Variants in GALNT18 observed in about 807,000 individuals in gnomAD.
GALNT18 encodes the protein GalNAc-transferase 18.
A neutral mutation model predicts 69.5 loss-of-function variants in GALNT18; 44 were observed. The ratio of observed to expected loss-of-function variants is 0.63; its 90% CI spans 0.50 to 0.81. The LOEUF (loss-of-function observed/expected upper bound fraction) is 0.81, where lower values mean the gene tolerates loss of function less well. Ranked by LOEUF, GALNT18 falls within the 40% of genes least tolerant of loss-of-function variation. GALNT18 has a pLI of 0.00. For missense variants in GALNT18, 715 were observed against 810.0 expected (o/e 0.88, Z 1.42); for synonymous variants, 364 against 318.2 (o/e 1.14, Z -1.53).
chr11:11,577,636 C>CCAATT (rs1420123952), intron 1 of GALNT18, among the ~76,000 whole-genome samples: 1 of 152,212 alleles, frequency 6.6e-6, no homozygotes, highest in Non-Finnish European at 1.5e-5. Context: ...AGCACAGAAT[C>CCAATT]CTAGGCTCAA....
In GALNT18 at chr11:11,603,908, T is replaced by G. The variant is rs1274691682; in HGVS notation, c.235+17451A>C. Among the ~76,000 whole-genome samples, 1 of 152,222 alleles carries G rather than the reference T, an allele frequency of 6.6e-6. No individual in the cohort carries two copies. The highest frequency in any genetic ancestry group is 1.5e-5 in the Non-Finnish European group (1 of 68,042). ...TCCCCAAATCCATATGTTGAAATCC[T>G]AACCCCTAAGTTGATGGAATTAGGA... On this transcript the variant is annotated intron_variant, in intron 1 of 10. Coordinates refer to ENST00000227756, the MANE Select transcript of GALNT18 (RefSeq NM_198516.3). This position sits in a 1 kb window ranked among gnomAD's most constrained non-coding sequence, Gnocchi z 4.5.
At chr11:11,566,465 T>G (rs1018423600) in intron 1 of GALNT18, among the ~76,000 whole-genome samples, 2 of 152,216 alleles carry the variant, frequency 1.3e-5, no homozygotes, top group Non-Finnish European at 2.9e-5. Context: ...TTAATTCCCC[T>G]GAGTGTGATA....
intron 6 of GALNT18, among the ~76,000 whole-genome samples, chr11:11,368,439 C>A (rs1342083643): frequency 6.6e-6 from 1 of 152,134 alleles, no homozygotes; most frequent in African/African-American, 2.4e-5. Context: ...AAATAGAAAT[C>A]CTCTCTGGAG....
intron 4 of GALNT18, among the ~76,000 whole-genome samples, chr11:11,378,268 C>G (rs60228798): frequency 0.035 from 5,381 of 152,288 alleles, 103 homozygotes; most frequent in East Asian, 0.059. Flanking sequence ...CCCGGGGGCA[C>G]AGGTTGGCAC....
intron 3 of GALNT18, among the ~76,000 whole-genome samples, chr11:11,416,185 CTA>C (rs1854852682): frequency 6.6e-6 from 1 of 152,214 alleles, no homozygotes; most frequent in African/African-American, 2.4e-5. Context: ...TCTTCAATGT[CTA>C]AGCTCCTTAG....
intron 3 of GALNT18, among the ~76,000 whole-genome samples, chr11:11,380,295 T>C (rs1277793728): frequency 6.6e-6 from 1 of 152,228 alleles, no homozygotes; most frequent in East Asian, 1.9e-4. Context: ...ACATAACAAC[T>C]GAAGCCCATT....
rs921596823 is a variant in GALNT18 at position 11,284,958 on chromosome 11, C to G, written c.1677+8071G>C. ...CTACTTGGGCGTTCTCTTTCTTAGT[C>G]TCACCTTTGCCTGAGTGAGATTCTG... On this transcript the variant is annotated intron_variant, in intron 10 of 10. Coordinates refer to ENST00000227756, the MANE Select transcript of GALNT18 (RefSeq NM_198516.3). 2.5e-4 allele frequency among the ~76,000 whole-genome samples: 24 copies of G among 95,734 alleles called. No individual in the cohort carries two copies. The East Asian group carries it at 6.7e-3, about 27-fold the overall frequency. 62.8% of individuals were successfully genotyped at this position (95,734 alleles called of 152,430 possible). A position where few individuals can be genotyped will look rare whatever the true frequency, so the allele number is the denominator to read the frequency against.
chr11:11,361,502 C>T (rs980357503), intron 6 of GALNT18, among the ~76,000 whole-genome samples: 2 of 152,108 alleles, frequency 1.3e-5, no homozygotes, highest in African/African-American at 4.8e-5. Context: ...ATTAGTATTA[C>T]AGTCATAAAG....
chr11:11,440,916 G>T (rs1278959489), intron 2 of GALNT18, among the ~76,000 whole-genome samples: 3 of 152,200 alleles, frequency 2.0e-5, no homozygotes, highest in Non-Finnish European at 4.4e-5. Context: ...CAAGCAACTT[G>T]TTGGCGGTCA....
At position 11,520,702 on chromosome 11, in the gene GALNT18, G is replaced by A. The variant is rs540447473; in HGVS notation, c.236-71766C>T. On this transcript the variant is annotated intron_variant, in intron 1 of 10. Transcript: ENST00000227756. ...AGAGGGAGAGCCAGGCTGCAGCACA[G>A]TGCTGACCACGATGGGAGGGTTAAA... 2.0e-5 allele frequency among the ~76,000 whole-genome samples: 3 copies of A among 152,314 alleles called. No homozygotes were observed. The South Asian group carries it at 6.2e-4, about 32-fold the overall frequency.
intron 3 of GALNT18, among the ~76,000 whole-genome samples, chr11:11,417,271 T>C (rs1317654660): frequency 1.3e-5 from 2 of 152,038 alleles, no homozygotes; most frequent in Non-Finnish European, 2.9e-5. Context: ...GTGCACACAG[T>C]GAAGGAAAGT....
rs11351187 is a variant in GALNT18, at chr11:11,421,214, TG to T, written c.595+11406del. 0.26 allele frequency among the ~76,000 whole-genome samples: 39,963 copies of T among 151,976 alleles called. 6,286 individuals carry two copies. The highest frequency in any genetic ancestry group is 0.61 in the East Asian group (3,125 of 5,142). On this transcript the variant is annotated intron_variant, in intron 3 of 10. Transcript: ENST00000227756. This position sits in a 1 kb window ranked among gnomAD's most constrained non-coding sequence, Gnocchi z 5.6. ...AGGCAGCTTCAGCGGTGCAGCATGT[TG>T]GGACCTCAGCAGAGAGGCCGGTGAG... is the stretch of plus-strand genomic sequence containing the variant.
chr11:11,527,821 A>T (rs1857555088), intron 1 of GALNT18, among the ~76,000 whole-genome samples: 1 of 152,124 alleles, frequency 6.6e-6, no homozygotes, highest in African/African-American at 2.4e-5. Flanking sequence ...TATTTTCTTA[A>T]ACTGTGAATA....
intron 9 of GALNT18, among the ~76,000 whole-genome samples, chr11:11,295,744 A>G (rs1849388680): frequency 1.3e-5 from 2 of 152,184 alleles, no homozygotes; most frequent in Admixed American, 1.3e-4. Context: ...TGGCAAATCC[A>G]TGGTAATTGA....
chr11:11,353,919 G>A (rs951213930), intron 6 of GALNT18, among the ~76,000 whole-genome samples: 13 of 152,170 alleles, frequency 8.5e-5, no homozygotes, highest in African/African-American at 2.9e-4. Context: ...GACATCAGAG[G>A]AATGTCTGGT....
At chr11:11,310,512 C>A (rs906893906) in intron 9 of GALNT18, among the ~76,000 whole-genome samples, 2 of 152,210 alleles carry the variant, frequency 1.3e-5, no homozygotes, top group East Asian at 3.8e-4. Context: ...GCAAGACCAG[C>A]AAGTCCTTTT....
chr11:11,538,562 G>T lies in GALNT18; in HGVS notation c.235+82797C>A, dbSNP rs180764503. 4.2e-4 allele frequency among the ~76,000 whole-genome samples: 64 copies of T among 152,272 alleles called. No homozygotes were observed. In the East Asian group the frequency reaches 0.011, roughly 27 times the overall value. On this transcript the variant is annotated intron_variant, in intron 1 of 10. Transcript: ENST00000227756. This position sits in a 1 kb window ranked among gnomAD's most constrained non-coding sequence, Gnocchi z 5.2. ...CCCTGCTTGCACCAACAACCCGATA[G>T]CCCTGGAGCTCGCGGCACTCCTCTC...
Position 11,338,440 on chromosome 11 carries a change from C to T in GALNT18, c.1278+2379G>A, listed in dbSNP as rs974956607. Among the ~76,000 whole-genome samples the T allele has an allele frequency of 7.9e-5, 12 of 151,600 alleles. No individual in the cohort carries two copies. Among genetic ancestry groups the T allele is most frequent in the East Asian group, 5.8e-4 (3 of 5,144 alleles). ...CCTGAATGCAGACATGAGGGGAGGT[C>T]GGGGTGGGAAGGAGGGCTTGTGATT... On this transcript the variant is annotated intron_variant, in intron 7 of 10. Coordinates refer to ENST00000227756, the MANE Select transcript of GALNT18 (RefSeq NM_198516.3). This position sits in a 1 kb window ranked among gnomAD's most constrained non-coding sequence, Gnocchi z 5.3.
At chr11:11,302,699 A>C (rs549116581) in intron 9 of GALNT18, among the ~76,000 whole-genome samples, 1 of 152,262 alleles carries the variant, frequency 6.6e-6, no homozygotes, top group African/African-American at 2.4e-5. Flanking sequence ...GGATATGCGC[A>C]GGATGCGTGC....
Sources: gnomAD v4.1 joint callset for allele counts (sites outside exome capture counted in the v4.1 genomes callset) on GRCh38, gnomAD v4.1.1 for gene constraint, Gnocchi (gnomAD v3.1) non-coding constraint, MANE v1.5 for transcripts, NCBI Gene and HGNC (gene_info 2026-07-23, HGNC 2026-07-21) for gene names.